Variants in TMEM39B observed in about 807,000 individuals in gnomAD.
The protein encoded by TMEM39B is transmembrane protein 39B.
TMEM39B carries 23 observed loss-of-function variants against 52.2 expected under a neutral mutation model. The ratio of observed to expected loss-of-function variants is 0.44; its 90% confidence interval spans 0.32 to 0.62. TMEM39B has a LOEUF of 0.62. TMEM39B is among the 20% of genes least tolerant of loss of function. TMEM39B has a pLI of 0.06. For synonymous variants in TMEM39B, 285 were observed against 264.0 expected, an observed-to-expected ratio of 1.08 and a Z score of -0.77; for missense variants, 547 against 642.0, an observed-to-expected ratio of 0.85 and a Z score of 1.60.
At chr1:32,090,633 GTTGTTTTTTGTTTTT>G (rs1640566397) in intron 5 of TMEM39B, among the ~76,000 whole-genome samples, 1 of 151,640 alleles carries the variant, frequency 6.6e-6, no homozygotes, top group African/African-American at 2.4e-5. Flanking sequence ...TGTTGTTGTT[GTTGTTTTTTGTTTTT>G]TTGTTTTTTG....
In TMEM39B at chr1:32,077,197, T is replaced by C. The variant is rs1355912447; in HGVS notation, c.469T>C (p.Ser157Pro). Residue 157 changes from serine (S) to proline (P), a missense_variant, in exon 5 of 9, where the codon TCC becomes CCC. Transcript: ENST00000336294. ...GAGGGGGAAGGTCTCCCTCTTTCGC[T>C]CCATCCTGCTGTTCCTCACTCGCTT... ...SQRGKVSLFR[S>P]ILLFLTRFTV... is the part of the protein sequence containing the mutation. 3 of 1,613,972 alleles carry C rather than the reference T, an allele frequency of 1.9e-6. No individual in the cohort carries two copies.
chr1:32,099,794 C>G (rs1006619947), intron 7 of TMEM39B, among the ~76,000 whole-genome samples: 10 of 152,184 alleles, frequency 6.6e-5, no homozygotes, highest in African/African-American at 2.4e-4. Flanking sequence ...CGCCTGTAAT[C>G]CCAGCACTTT....
Position 32,074,945 on chromosome 1 carries a change from C to G in TMEM39B, c.5-6C>G, listed in dbSNP as rs544726527. 5 of 1,550,004 alleles carry G rather than the reference C, an allele frequency of 3.2e-6. No homozygotes were observed. The highest frequency in any genetic ancestry group is 2.7e-5 in the African/African-American group (2 of 73,068). ...TTGAGGCTCTATTTTATGTTGAGCC[C>G]CACAGGAGGACGAAGAGGTCCCAAC... On this transcript the variant is annotated splice_polypyrimidine_tract_variant and splice_region_variant and intron_variant, in intron 1 of 8. Transcript: ENST00000336294.
Position 32,076,808 on chromosome 1 carries a change from G to C in TMEM39B, c.397G>C (p.Val133Leu). The C allele has an allele frequency of 1.2e-6, 2 of 1,614,080 alleles. No homozygotes were observed. The highest frequency in any genetic ancestry group is 1.7e-6 in the Non-Finnish European group (2 of 1,180,006). Residue 133 changes from valine (V) to leucine (L), a missense_variant, in exon 4 of 9, where the codon GTT (valine) becomes CTT (leucine). Physicochemically the swap from Val to Leu is conservative, Grantham distance 32. Coordinates refer to ENST00000336294, the MANE Select transcript of TMEM39B (RefSeq NM_018056.4). ...DFNLLMVTTIVLGRRFIGSIV... is the reference protein window; with the variant it reads ...DFNLLMVTTILLGRRFIGSIV... ...CAACTTGCTGATGGTGACCACCATC[G>C]TTCTGGGCCGCCGCTTCATTGGGTC... is the stretch of plus-strand genomic sequence containing the variant.
chr1:32,101,032 AAAAT>A (rs1211564297), intron 8 of TMEM39B, among the ~76,000 whole-genome samples: 7 of 152,174 alleles, frequency 4.6e-5, no homozygotes, highest in Non-Finnish European at 1.0e-4. Flanking sequence ...CTCATTCTCA[AAAAT>A]AAATAAATAA....
intron 5 of TMEM39B, among the ~76,000 whole-genome samples, chr1:32,081,460 T>C (rs1456449879): frequency 3.3e-5 from 5 of 151,918 alleles, no homozygotes; most frequent in Non-Finnish European, 5.9e-5. Context: ...TAAAAATTTA[T>C]TTATTGGCCA....
At chr1:32,100,047 C>CA (rs960210737) in intron 7 of TMEM39B, among the ~76,000 whole-genome samples, 67 of 144,798 alleles carry the variant, frequency 4.6e-4, no homozygotes, top group Non-Finnish European at 6.6e-4. Flanking sequence ...AACTCATTCT[C>CA]AAAAAAAAAA....
At chr1:32,078,848 C>T (rs1639972210) in intron 5 of TMEM39B, among the ~76,000 whole-genome samples, 1 of 152,114 alleles carries the variant, frequency 6.6e-6, no homozygotes, top group Admixed American at 6.6e-5. Context: ...ATCATGTTGG[C>T]CAGGCTGGTC....
In TMEM39B at chr1:32,073,062, C is replaced by T. The variant is rs746166315; in HGVS notation, c.4+11C>T. The T allele has an allele frequency of 4.0e-6, 6 of 1,497,080 alleles. No homozygotes were observed. Among genetic ancestry groups the T allele is most frequent in the African/African-American group, 2.9e-5 (2 of 69,520 alleles). 92.7% of individuals were successfully genotyped at this position (1,497,080 alleles called of 1,614,324 possible). A position where few individuals can be genotyped will look rare whatever the true frequency, so the allele number is the denominator to read the frequency against. On this transcript the variant is annotated intron_variant, in intron 1 of 8. Coordinates refer to ENST00000336294, the MANE Select transcript of TMEM39B (RefSeq NM_018056.4). The stretch of plus-strand genomic sequence containing the variant: ...GGGGGGAGGAGATGGGTGAGCAGAG[C>T]GGCTCAGGCTCGGCCTGGCAACGAG...
chr1:32,073,906 A>C, intron 1 of TMEM39B: 1 of 981,682 alleles, frequency 1.0e-6, no homozygotes, highest in South Asian at 4.7e-5. Context: ...AAAAATATGT[A>C]TATGTATGTA....
In TMEM39B at chr1:32,075,810, C is replaced by T. The variant is rs61729941; in HGVS notation, c.339C>T (p.Ser113=). The T allele has an allele frequency of 1.3e-6, 2 of 1,512,952 alleles. No homozygotes were observed. Among genetic ancestry groups the T allele is most frequent in the Non-Finnish European group, 1.8e-6 (2 of 1,122,002 alleles). The allele number at this position is 1,512,952 out of a possible 1,614,324, so 93.7% of individuals were successfully genotyped here. ...VWWYPPSHPP[S]HTSLNFHLID... is the part of the protein sequence containing the mutation. ...GGTATCCACCTTCCCACCCACCCTC[C>T]CACACCTCCCTGGTAGGTACCCAAC... The change falls in exon 3 of 9, where the codon TCC becomes TCT. Residue 113 remains serine, a synonymous_variant. Transcript: ENST00000336294.
chr1:32,076,400 C>T (rs994446292), intron 3 of TMEM39B: 7 of 366,898 alleles, frequency 1.9e-5, no homozygotes, highest in East Asian at 1.4e-4. Flanking sequence ...CGTGAGCCAC[C>T]GCGCCCGGCC....
intron 7 of TMEM39B, among the ~76,000 whole-genome samples, chr1:32,095,320 C>A (rs988186284): frequency 6.6e-6 from 1 of 152,228 alleles, no homozygotes; most frequent in African/African-American, 2.4e-5. Flanking sequence ...CCTACTCTTT[C>A]AGCAGACATT....
At chr1:32,082,295 T>G (rs1232501178) in intron 5 of TMEM39B, among the ~76,000 whole-genome samples, 1 of 152,124 alleles carries the variant, frequency 6.6e-6, no homozygotes. Context: ...CTTCCATTCT[T>G]TGTCTAAGCC....
At position 32,072,947 on chromosome 1, in the gene TMEM39B, G is replaced by T; in HGVS notation, c.-101G>T. The stretch of plus-strand genomic sequence containing the variant: ...GGCGGGAGCGCGCGGCTGATACCCG[G>T]GACTGGGCTGCGGCGGTTAGTCCTC... On this transcript the variant is annotated 5_prime_UTR_variant, in exon 1 of 9. Transcript: ENST00000336294. 3 of 1,457,782 alleles carry T rather than the reference G, an allele frequency of 2.1e-6. No individual in the cohort carries two copies. Among genetic ancestry groups the T allele is most frequent in the Non-Finnish European group, 2.8e-6 (3 of 1,084,908 alleles). The allele number at this position is 1,457,782 out of a possible 1,614,324, so 90.3% of individuals were successfully genotyped here. A position where few individuals can be genotyped will look rare whatever the true frequency, so the allele number is the denominator to read the frequency against.
chr1:32,093,943 T>G (rs1004440332), intron 6 of TMEM39B, among the ~76,000 whole-genome samples: 1 of 151,476 alleles, frequency 6.6e-6, no homozygotes, highest in Non-Finnish European at 1.5e-5. Context: ...GTCAGCCTCC[T>G]GAGTAGCTGG....
At chr1:32,090,594 T>C (rs572191290) in intron 5 of TMEM39B, among the ~76,000 whole-genome samples, 1 of 152,190 alleles carries the variant, frequency 6.6e-6, no homozygotes, top group South Asian at 2.1e-4. Context: ...ACTATAGGCA[T>C]GTACCACCAT....
rs1373064242 is a variant in TMEM39B, at chr1:32,100,430, C to T, written c.1116-12C>T. 1 of 1,574,380 alleles carries T rather than the reference C, an allele frequency of 6.4e-7. No individual in the cohort carries two copies. Among genetic ancestry groups the T allele is most frequent in the Non-Finnish European group, 8.6e-7 (1 of 1,161,088 alleles). On this transcript the variant is annotated splice_polypyrimidine_tract_variant and intron_variant, in intron 7 of 8. Coordinates refer to ENST00000336294, the MANE Select transcript of TMEM39B (RefSeq NM_018056.4). The stretch of plus-strand genomic sequence containing the variant: ...GCTGGGGATAAGGGGCACCATTGAA[C>T]TGTGCCCCCAGGTGGACTGAAGAAT...
chr1:32,075,215 C>G, intron 2 of TMEM39B, 138 bp downstream of exon 2: 1 of 1,238,484 alleles, frequency 8.1e-7, no homozygotes. Context: ...CAGAAAAGAT[C>G]CAGAGGGAGC....
Sources: allele counts gnomAD v4.1 joint callset (sites outside exome capture counted in the v4.1 genomes callset), GRCh38; gene constraint gnomAD v4.1.1; transcripts MANE v1.5; gene names NCBI Gene and HGNC (gene_info 2026-07-23, HGNC 2026-07-21).